The following TMEM123 variants were observed in gnomAD, a reference collection of about 807,000 sequenced individuals.
TMEM123 encodes porimin.
TMEM123 carries 16 observed loss-of-function variants against 19.7 expected under a neutral mutation model. That is an observed-to-expected ratio of 0.81 (90% CI 0.55 to 1.23). The LOEUF (loss-of-function observed/expected upper bound fraction) is 1.23. Among genes scored for constraint, TMEM123 ranks in the 50% most tolerant of loss-of-function variants. The pLI is 0.00. For synonymous variants in TMEM123, 118 were observed against 99.4 expected (o/e 1.19, Z -1.12); for missense variants, 313 against 257.8 (o/e 1.21, Z -1.47).
In TMEM123 at chr11:102,399,080, T is replaced by C. The variant is rs118021599; in HGVS notation, c.603-189A>G. Among the ~76,000 whole-genome samples, 69 of 152,350 alleles carry C rather than the reference T, an allele frequency of 4.5e-4. 1 individual carries two copies. The highest frequency in any genetic ancestry group is 8.2e-4 in the Non-Finnish European group (56 of 68,028). On this transcript the variant is annotated intron_variant, in intron 4 of 4. Coordinates refer to ENST00000398136, the MANE Select transcript of TMEM123 (RefSeq NM_052932.3). ...GTTAAAGATCTGGGGGTTAATGGCA[T>C]GGGGATCCACCATCTTGTCTTGCTG... is the stretch of plus-strand genomic sequence containing the variant.
chr11:102,421,039 T>G (rs1264871418), intron 2 of TMEM123, among the ~76,000 whole-genome samples: 1 of 152,054 alleles, frequency 6.6e-6, no homozygotes, highest in Non-Finnish European at 1.5e-5. Context: ...AGAGCAAGAC[T>G]CCATCTCGAA....
At chr11:102,425,146 T>C (rs917768994) in intron 2 of TMEM123, among the ~76,000 whole-genome samples, 2 of 152,214 alleles carry the variant, frequency 1.3e-5, no homozygotes, top group Non-Finnish European at 2.9e-5. Flanking sequence ...AACAGAGGCT[T>C]TTACGCCAAC....
rs1215316818 is a variant in TMEM123 at position 102,396,794 on chromosome 11, C to CA, written c.*2072dup. 6.6e-6 allele frequency: 1 copy of CA among 152,166 alleles called. No individual in the cohort carries two copies. Among genetic ancestry groups the CA allele is most frequent in the African/African-American group, 2.4e-5 (1 of 41,440 alleles). The allele number at this position is 152,166 out of a possible 1,614,324, so 9.4% of individuals were successfully genotyped here. A position where few individuals can be genotyped will look rare whatever the true frequency, so the allele number is the denominator to read the frequency against. ...AGAAAAAGACATAACTAAACTACTT[C>CA]AAACCCAATGCAGAGGAAACTTTCA... is the stretch of plus-strand genomic sequence containing the variant. On this transcript the variant is annotated 3_prime_UTR_variant, in exon 5 of 5. Coordinates refer to ENST00000398136, the MANE Select transcript of TMEM123 (RefSeq NM_052932.3).
At chr11:102,448,315 G>A in intron 2 of TMEM123, 2 of 455,788 alleles carry the variant, frequency 4.4e-6, no homozygotes, top group South Asian at 1.6e-5. Context: ...GAGGCCCAAG[G>A]CTTTGTCCCA....
intron 2 of TMEM123, among the ~76,000 whole-genome samples, chr11:102,442,105 C>T (rs896287807): frequency 1.3e-5 from 2 of 152,128 alleles, no homozygotes; most frequent in South Asian, 4.1e-4. Flanking sequence ...GATTCATAGC[C>T]GAATTCTACC....
In TMEM123 at chr11:102,396,335, TAGA is replaced by T. The variant is rs1951854901; in HGVS notation, c.*2529_*2531del. ...AGCAAAATCACACACTTAAAACTTT[TAGA>T]AGGAGAACAATTTTATTCTAAAAAT... On this transcript the variant is annotated 3_prime_UTR_variant, in exon 5 of 5. Coordinates refer to ENST00000398136, the MANE Select transcript of TMEM123 (RefSeq NM_052932.3). 6.6e-6 allele frequency: 1 copy of T among 152,194 alleles called. No individual in the cohort carries two copies. The highest frequency in any genetic ancestry group is 1.5e-5 in the Non-Finnish European group (1 of 68,038). The allele number at this position is 152,194 out of a possible 1,614,324, so 9.4% of individuals were successfully genotyped here.
intron 2 of TMEM123, among the ~76,000 whole-genome samples, chr11:102,418,020 G>A (rs571000440): frequency 4.6e-5 from 7 of 151,270 alleles, no homozygotes; most frequent in Non-Finnish European, 1.0e-4. Flanking sequence ...AGACTTAAAT[G>A]TAAAACCTAA....
intron 1 of TMEM123, 62 bp from the exon 2 acceptor site, chr11:102,448,930 G>C (rs185190820): frequency 1.3e-6 from 2 of 1,531,214 alleles, no homozygotes; most frequent in Non-Finnish European, 1.8e-6. Flanking sequence ...CTGGCAGTAT[G>C]TGGTTTTCTG....
intron 2 of TMEM123, among the ~76,000 whole-genome samples, chr11:102,404,335 G>A (rs1313986459): frequency 6.6e-6 from 1 of 152,184 alleles, no homozygotes; most frequent in Non-Finnish European, 1.5e-5. Flanking sequence ...CCAGGCTGGA[G>A]TGCAGTGGCA....
chr11:102,406,286 G>C lies in TMEM123; in HGVS notation c.158-4080C>G, dbSNP rs182829270. 1.4e-4 allele frequency among the ~76,000 whole-genome samples: 22 copies of C among 152,252 alleles called. No individual in the cohort carries two copies. In the East Asian group the frequency reaches 4.2e-3, roughly 29 times the overall value. On this transcript the variant is annotated intron_variant, in intron 2 of 4. Coordinates refer to ENST00000398136, the MANE Select transcript of TMEM123 (RefSeq NM_052932.3). ...GGTGTCCACTCCCTCCTCTGTCTATGGGGGTAAAGAGGAGAATGCCATCCT... is the reference window on the plus strand; with the variant it reads ...GGTGTCCACTCCCTCCTCTGTCTATCGGGGTAAAGAGGAGAATGCCATCCT...
chr11:102,441,232 AG>A (rs1857822609), intron 2 of TMEM123, among the ~76,000 whole-genome samples: 2 of 152,248 alleles, frequency 1.3e-5, no homozygotes, highest in African/African-American at 4.8e-5. Flanking sequence ...CCAAATCAAC[AG>A]AATATACATT....
chr11:102,418,146 CAG>C (rs1952056452), intron 2 of TMEM123, among the ~76,000 whole-genome samples: 1 of 151,328 alleles, frequency 6.6e-6, no homozygotes, highest in Non-Finnish European at 1.5e-5. Flanking sequence ...GCTTTCATGA[CAG>C]AGACACCAAA....
chr11:102,417,732 C>T (rs559776377), intron 2 of TMEM123, among the ~76,000 whole-genome samples: 13 of 152,308 alleles, frequency 8.5e-5, no homozygotes, highest in African/African-American at 2.9e-4. Flanking sequence ...TGCTACCTGA[C>T]TTTAAACTAT....
Position 102,401,747 on chromosome 11 carries a change from T to C in TMEM123, c.449-55A>G, listed in dbSNP as rs1409753825. 8 of 1,520,136 alleles carry C rather than the reference T, an allele frequency of 5.3e-6. No homozygotes were observed. The Admixed American group carries it at 9.3e-5, about 18-fold the overall frequency. 94.2% of individuals were successfully genotyped at this position (1,520,136 alleles called of 1,614,324 possible). A position where few individuals can be genotyped will look rare whatever the true frequency, so the allele number is the denominator to read the frequency against. On this transcript the variant is annotated intron_variant, in intron 3 of 4. Transcript: ENST00000398136. ...TAGCGTTATTTTTTTTTTTTTAACA[T>C]TGTAATTAAAGCTCTCTGATTTTCT...
At chr11:102,429,741 G>C (rs1278321475) in intron 2 of TMEM123, among the ~76,000 whole-genome samples, 1 of 152,212 alleles carries the variant, frequency 6.6e-6, no homozygotes, top group Non-Finnish European at 1.5e-5. Flanking sequence ...ATAGGCTTCA[G>C]ATGTAGCCAG....
intron 2 of TMEM123, among the ~76,000 whole-genome samples, chr11:102,404,831 C>A (rs980131888): frequency 4.6e-5 from 7 of 151,998 alleles, no homozygotes; most frequent in Non-Finnish European, 7.4e-5. Flanking sequence ...AACTCCTGAC[C>A]TCAGGTGATC....
At chr11:102,452,239 C>CT (rs1857949091) in intron 1 of TMEM123, 2 of 325,548 alleles carry the variant, frequency 6.1e-6, no homozygotes, top group Non-Finnish European at 1.1e-5. Context: ...AACCAACTTG[C>CT]GGTAACTCAA....
At chr11:102,452,211 TC>T in intron 1 of TMEM123, 1 of 269,868 alleles carries the variant, frequency 3.7e-6, no homozygotes, top group Non-Finnish European at 6.9e-6. Context: ...AACATTAACT[TC>T]AGGGAAAGGC....
intron 2 of TMEM123, among the ~76,000 whole-genome samples, chr11:102,417,713 G>A (rs905145409): frequency 6.6e-6 from 1 of 152,142 alleles, no homozygotes; most frequent in African/African-American, 2.4e-5. Flanking sequence ...AACAAAGCTA[G>A]AGTCATCATG....
Sources: gnomAD v4.1 joint callset for allele counts (sites outside exome capture counted in the v4.1 genomes callset) on GRCh38, gnomAD v4.1.1 for gene constraint, MANE v1.5 for transcripts, NCBI Gene and HGNC (gene_info 2026-07-23, HGNC 2026-07-21) for gene names.